Variants in SDCCAG8 observed in about 807,000 individuals in gnomAD.
SDCCAG8 encodes the protein serologically defined colon cancer antigen 8.
A neutral mutation model predicts 101.8 loss-of-function variants in SDCCAG8; 74 were observed. The ratio of observed to expected loss-of-function variants is 0.73; its 90% CI spans 0.60 to 0.88. SDCCAG8 has a LOEUF of 0.88. Ranked by LOEUF, SDCCAG8 falls within the 40% of genes least tolerant of loss-of-function variation. SDCCAG8 has a pLI of 0.00. For missense variants in SDCCAG8, 787 were observed against 822.6 expected (o/e 0.96, Z 0.53); for synonymous variants, 281 against 292.9 (o/e 0.96, Z 0.41).
intron 17 of SDCCAG8, among the ~76,000 whole-genome samples, chr1:243,497,470 G>T (rs1305991453): frequency 6.6e-6 from 1 of 152,076 alleles, no homozygotes; most frequent in Non-Finnish European, 1.5e-5. Context: ...CCGCAGGAAG[G>T]AATCAGGCTG....
chr1:243,362,002 A>G (rs187612803), intron 12 of SDCCAG8, among the ~76,000 whole-genome samples: 6 of 152,046 alleles, frequency 3.9e-5, no homozygotes, highest in Admixed American at 2.0e-4. Flanking sequence ...AGGTGGGTGA[A>G]GAGATGGCCA....
chr1:243,398,114 A>G (rs1409773717), intron 13 of SDCCAG8, among the ~76,000 whole-genome samples: 1 of 152,226 alleles, frequency 6.6e-6, no homozygotes, highest in Non-Finnish European at 1.5e-5. Context: ...ATAATCCACA[A>G]AAGTTTCTGC....
chr1:243,421,949 A>G (rs978116534), intron 15 of SDCCAG8, among the ~76,000 whole-genome samples: 14 of 152,310 alleles, frequency 9.2e-5, no homozygotes, highest in Non-Finnish European at 4.4e-5. Flanking sequence ...ATCAGCAGTA[A>G]AACGTTGCAG....
intron 16 of SDCCAG8, among the ~76,000 whole-genome samples, chr1:243,457,862 G>C (rs1483882365): frequency 6.6e-6 from 1 of 152,218 alleles, no homozygotes; most frequent in East Asian, 1.9e-4. Context: ...AGGAAACCAG[G>C]AGACAGGGAT....
chr1:243,471,051 C>T (rs574190309), intron 16 of SDCCAG8, among the ~76,000 whole-genome samples: 1 of 152,248 alleles, frequency 6.6e-6, no homozygotes, highest in Non-Finnish European at 1.5e-5. Flanking sequence ...GTCTGTCTCT[C>T]GATCCCTCTT....
At chr1:243,483,551 C>T (rs1203881808) in intron 16 of SDCCAG8, among the ~76,000 whole-genome samples, 1 of 152,278 alleles carries the variant, frequency 6.6e-6, no homozygotes, top group East Asian at 1.9e-4. Context: ...GCTTCGGTGG[C>T]TCCCACCCTC....
intron 13 of SDCCAG8, among the ~76,000 whole-genome samples, chr1:243,380,894 A>G (rs538627718): frequency 2.0e-5 from 3 of 152,222 alleles, no homozygotes; most frequent in East Asian, 1.9e-4. Flanking sequence ...TGCACTGACA[A>G]TGTGATTTGG....
At chr1:243,284,441 T>C (rs1410323446) in intron 4 of SDCCAG8, among the ~76,000 whole-genome samples, 1 of 152,162 alleles carries the variant, frequency 6.6e-6, no homozygotes, top group African/African-American at 2.4e-5. Flanking sequence ...GATGTGGTCG[T>C]TAGATGTGGG....
intron 1 of SDCCAG8, chr1:243,267,752 A>G (rs2067745025): frequency 3.7e-6 from 3 of 802,926 alleles, no homozygotes; most frequent in Non-Finnish European, 6.8e-6. Flanking sequence ...ATCCTTGGCG[A>G]TCCTTAGAGC....
intron 10 of SDCCAG8, among the ~76,000 whole-genome samples, chr1:243,338,051 G>C (rs940722602): frequency 1.3e-5 from 2 of 151,894 alleles, no homozygotes; most frequent in African/African-American, 2.4e-5. Context: ...CTCCTAAGTA[G>C]CTAGGACTAC....
intron 9 of SDCCAG8, among the ~76,000 whole-genome samples, chr1:243,321,452 G>A (rs1390631566): frequency 6.6e-6 from 1 of 151,338 alleles, no homozygotes; most frequent in African/African-American, 2.4e-5. Context: ...ACAATGTTTA[G>A]CTCCCATTTA....
At chr1:243,498,979 C>T (rs1431524993) in intron 17 of SDCCAG8, among the ~76,000 whole-genome samples, 2 of 152,250 alleles carry the variant, frequency 1.3e-5, no homozygotes, top group Non-Finnish European at 2.9e-5. Context: ...GCCCAGTCAC[C>T]TTCCCACACA....
chr1:243,385,048 C>T (rs1477500694), intron 13 of SDCCAG8, among the ~76,000 whole-genome samples: 2 of 152,156 alleles, frequency 1.3e-5, no homozygotes, highest in Non-Finnish European at 2.9e-5. Context: ...AAAGAGGCCT[C>T]AGCTGCTGCC....
chr1:243,463,495 C>A (rs1659532639), intron 16 of SDCCAG8, among the ~76,000 whole-genome samples: 1 of 152,212 alleles, frequency 6.6e-6, no homozygotes, highest in Admixed American at 6.5e-5. Flanking sequence ...TGCTGGACCT[C>A]CTGACTGCCC....
At chr1:243,488,605 T>C (rs1191377057) in intron 16 of SDCCAG8, among the ~76,000 whole-genome samples, 9 of 152,184 alleles carry the variant, frequency 5.9e-5, no homozygotes, top group Admixed American at 5.9e-4. Context: ...AAACCCTTAC[T>C]TCAGTGTTTC....
chr1:243,328,220 T>C (rs893493278), intron 9 of SDCCAG8, among the ~76,000 whole-genome samples: 9 of 151,762 alleles, frequency 5.9e-5, no homozygotes, highest in Non-Finnish European at 8.8e-5. Context: ...TATTTGATAA[T>C]ATGGAATTGT....
chr1:243,306,659 G>T (rs1375578997), intron 7 of SDCCAG8: 1 of 152,094 alleles, frequency 6.6e-6, no homozygotes, highest in Non-Finnish European at 1.5e-5. Context: ...ACTTTGGAAT[G>T]TGCTTCCCAA....
intron 16 of SDCCAG8, among the ~76,000 whole-genome samples, chr1:243,438,345 C>T (rs986198551): frequency 2.0e-5 from 3 of 152,154 alleles, no homozygotes; most frequent in Admixed American, 6.5e-5. Flanking sequence ...TTCCCCTTTC[C>T]TTGCTATGCC....
intron 16 of SDCCAG8, among the ~76,000 whole-genome samples, chr1:243,479,465 G>C (rs1323663023): frequency 6.6e-6 from 1 of 152,180 alleles, no homozygotes; most frequent in African/African-American, 2.4e-5. Context: ...GGCATGGCTG[G>C]GTTTCAATGA....
Sources: allele counts gnomAD v4.1 joint callset (sites outside exome capture counted in the v4.1 genomes callset), GRCh38; gene constraint gnomAD v4.1.1; transcripts MANE v1.5; gene names NCBI Gene and HGNC (gene_info 2026-07-23, HGNC 2026-07-21).